The following ARL2BP variants were observed in gnomAD, a reference collection of about 807,000 sequenced individuals.
The protein encoded by ARL2BP is ADP-ribosylation factor-like protein 2-binding protein.
In ARL2BP, 19 loss-of-function variants were observed where a neutral mutation model predicts 24.2. The observed-to-expected ratio is 0.79, with a 90% CI of 0.55 to 1.15. ARL2BP has a LOEUF of 1.15. Ranked by LOEUF, ARL2BP falls within the 50% of genes most tolerant of loss-of-function variation. The pLI, the probability that ARL2BP is intolerant of heterozygous loss-of-function variation, is 0.00. For synonymous variants in ARL2BP, 56 were observed against 70.5 expected, an observed-to-expected ratio of 0.79 and a Z score of 1.03; for missense variants, 160 against 190.4, an observed-to-expected ratio of 0.84 and a Z score of 0.94.
intron 5 of ARL2BP, 57 bp from the exon 6 acceptor site, chr16:57,252,109 G>T: frequency 6.5e-7 from 1 of 1,533,824 alleles, no homozygotes; most frequent in Non-Finnish European, 9.0e-7. Context: ...CATGTCAGAG[G>T]CAAGATTCCA....
chr16:57,250,550 A>G, intron 5 of ARL2BP, 43 bp downstream of exon 5: 2 of 1,513,904 alleles, frequency 1.3e-6, no homozygotes, highest in South Asian at 2.2e-5. Flanking sequence ...TGAGCCACTT[A>G]GAAAATTCCA....
At chr16:57,250,159 G>A (rs1227914337) in intron 4 of ARL2BP, 4 of 596,460 alleles carry the variant, frequency 6.7e-6, no homozygotes, top group Non-Finnish European at 1.2e-5. Flanking sequence ...GTGTGGTGTT[G>A]CATACCTGTG....
chr16:57,251,609 A>G (rs57060494), intron 5 of ARL2BP: 13,585 of 151,944 alleles, frequency 0.089, 771 homozygotes, highest in East Asian at 0.23. Flanking sequence ...AAAAAAAGAA[A>G]GAAAGAAAAA....
At position 57,252,441 on chromosome 16, in the gene ARL2BP, C is replaced by T. The variant is rs1479202395; in HGVS notation, c.*174C>T. ...ACCTAACCCTCCTGGACCTATTTATCCTGAAACACCTTCTTGTATTCATTA... is the reference window on the plus strand; with the variant it reads ...ACCTAACCCTCCTGGACCTATTTATTCTGAAACACCTTCTTGTATTCATTA... On this transcript the variant is annotated 3_prime_UTR_variant, in exon 6 of 6. Transcript: ENST00000219204. 8.8e-7 allele frequency: 1 copy of T among 1,137,128 alleles called. No homozygotes were observed. Among genetic ancestry groups the T allele is most frequent in the African/African-American group, 1.5e-5 (1 of 64,596 alleles). The allele number at this position is 1,137,128 out of a possible 1,614,324, so 70.4% of individuals were successfully genotyped here. A position where few individuals can be genotyped will look rare whatever the true frequency, so the allele number is the denominator to read the frequency against.
Position 57,253,108 on chromosome 16 carries a change from C to A in ARL2BP, c.*841C>A, listed in dbSNP as rs2075413738. On this transcript the variant is annotated 3_prime_UTR_variant, in exon 6 of 6. Transcript: ENST00000219204. ...AATGCTTTCTACATTGACATTCATT[C>A]CTATTTTACTGGGCACCTATGAATG... 1 of 152,590 alleles carries A rather than the reference C, an allele frequency of 6.6e-6. No homozygotes were observed. Among genetic ancestry groups the A allele is most frequent in the African/African-American group, 2.4e-5 (1 of 41,426 alleles). 9.5% of individuals were successfully genotyped at this position (152,590 alleles called of 1,614,324 possible). A position where few individuals can be genotyped will look rare whatever the true frequency, so the allele number is the denominator to read the frequency against.
chr16:57,247,988 T>TA (rs548356739), intron 2 of ARL2BP, among the ~76,000 whole-genome samples: 93 of 151,172 alleles, frequency 6.2e-4, no homozygotes, highest in African/African-American at 1.6e-3. Context: ...ATTAAAATGA[T>TA]AAAAAAAAAT....
At chr16:57,250,267 G>A in intron 4 of ARL2BP, 144 bp from the exon 5 acceptor site, 1 of 686,510 alleles carries the variant, frequency 1.5e-6, no homozygotes, top group Non-Finnish European at 2.5e-6. Flanking sequence ...TCCTGCCTGG[G>A]TGACAGAGCA....
In ARL2BP at chr16:57,245,353, C is replaced by T; in HGVS notation, c.-15C>T. On this transcript the variant is annotated 5_prime_UTR_variant, in exon 1 of 6. Coordinates refer to ENST00000219204, the MANE Select transcript of ARL2BP (RefSeq NM_012106.4). ...GGGCCGCGGGCGGGGTTGGAGCCTACTCGGGGCGACTGCGATGGACGCCTT... is the reference window on the plus strand; with the variant it reads ...GGGCCGCGGGCGGGGTTGGAGCCTATTCGGGGCGACTGCGATGGACGCCTT... 1 of 1,604,358 alleles carries T rather than the reference C, an allele frequency of 6.2e-7. No homozygotes were observed. Among genetic ancestry groups the T allele is most frequent in the Non-Finnish European group, 8.5e-7 (1 of 1,176,512 alleles).
Position 57,253,598 on chromosome 16 carries a change from T to A in ARL2BP, c.*1331T>A, listed in dbSNP as rs3180516. On this transcript the variant is annotated 3_prime_UTR_variant, in exon 6 of 6. Coordinates refer to ENST00000219204, the MANE Select transcript of ARL2BP (RefSeq NM_012106.4). ...TTATTAAATACTTTTGTACCATGAG[T>A]AAAACTTCAGGTGTTTCGCAAGAAC... 1.3e-5 allele frequency: 2 copies of A among 152,138 alleles called. No individual in the cohort carries two copies. The highest frequency in any genetic ancestry group is 2.9e-5 in the Non-Finnish European group (2 of 68,028). The allele number at this position is 152,138 out of a possible 1,614,324, so 9.4% of individuals were successfully genotyped here. A position where few individuals can be genotyped will look rare whatever the true frequency, so the allele number is the denominator to read the frequency against.
chr16:57,252,039 CTG>C lies in ARL2BP; in HGVS notation c.391-123_391-122del, dbSNP rs1254017279. On this transcript the variant is annotated intron_variant, in intron 5 of 5. Transcript: ENST00000219204. ...GCAGAAATGCAGAATAACCAATAAC[CTG>C]TGTTCCCTTCCTATGTACTCTGGAG... 4 of 705,160 alleles carry C rather than the reference CTG, an allele frequency of 5.7e-6. No individual in the cohort carries two copies. The East Asian group carries it at 7.9e-5, about 14-fold the overall frequency. 43.7% of individuals were successfully genotyped at this position (705,160 alleles called of 1,614,324 possible).
At chr16:57,247,414 G>A (rs2075393590) in intron 2 of ARL2BP, 1 of 151,960 alleles carries the variant, frequency 6.6e-6, no homozygotes, top group Non-Finnish European at 1.5e-5. Context: ...GATGGGTACG[G>A]TGGCTCACAC....
At chr16:57,252,096 C>T (rs2075410052) in intron 5 of ARL2BP, 70 bp from the exon 6 acceptor site, 1 of 1,406,064 alleles carries the variant, frequency 7.1e-7, no homozygotes, top group Non-Finnish European at 1.0e-6. Flanking sequence ...GCTCTGCCTT[C>T]CCCATGTCAG....
intron 2 of ARL2BP, chr16:57,248,261 C>G (rs957006320): frequency 5.8e-6 from 1 of 171,990 alleles, no homozygotes; most frequent in African/African-American, 2.7e-5. Context: ...TGCAGTGAAC[C>G]GAGATCGCAC....
intron 1 of ARL2BP, among the ~76,000 whole-genome samples, chr16:57,245,624 G>A (rs771420936): frequency 6.6e-6 from 1 of 152,082 alleles, no homozygotes; most frequent in Non-Finnish European, 1.5e-5. Flanking sequence ...CGAGGCGGGT[G>A]TCACCGTTGA....
At chr16:57,250,772 C>A (rs2075404965) in intron 5 of ARL2BP, 4 of 436,266 alleles carry the variant, frequency 9.2e-6, no homozygotes, top group East Asian at 4.1e-5. Flanking sequence ...CCTTGCCTTT[C>A]TTTTATTTAT....
At chr16:57,247,025 T>C (rs2075392569) in intron 2 of ARL2BP, among the ~76,000 whole-genome samples, 2 of 152,116 alleles carry the variant, frequency 1.3e-5, no homozygotes, top group Admixed American at 1.3e-4. Flanking sequence ...AAACTTACAT[T>C]TGAGAAAATT....
At position 57,248,594 on chromosome 16, in the gene ARL2BP, A is replaced by G; in HGVS notation, c.158A>G (p.Glu53Gly). 1 of 1,602,982 alleles carries G rather than the reference A, an allele frequency of 6.2e-7. No individual in the cohort carries two copies. Among genetic ancestry groups the G allele is most frequent in the South Asian group, 1.1e-5 (1 of 88,564 alleles). Residue 53 changes from glutamate (E) to glycine (G), a missense_variant, in exon 3 of 6, where the codon GAA (glutamate) becomes GGA (glycine). By Grantham distance (98) the Glu-to-Gly change is moderately conservative. Coordinates refer to ENST00000219204, the MANE Select transcript of ARL2BP (RefSeq NM_012106.4). ...NFMDKYYLEFEDTEENKLIYT... is the reference protein window; with the variant it reads ...NFMDKYYLEFGDTEENKLIYT... ...ATGGACAAGTACTACCTGGAGTTTG[A>G]AGACACAGAAGAGAATAAACTCATC...
intron 1 of ARL2BP, 26 bp from the exon 2 acceptor site, chr16:57,246,054 G>T: frequency 6.2e-7 from 1 of 1,611,790 alleles, no homozygotes; most frequent in Non-Finnish European, 8.5e-7. Flanking sequence ...ATTTGAAATA[G>T]CACCTAATCC....
At chr16:57,249,023 T>G (rs2075399472) in intron 3 of ARL2BP, 1 of 153,350 alleles carries the variant, frequency 6.5e-6, no homozygotes, top group African/African-American at 2.4e-5. Context: ...ATAATAAAGA[T>G]AATAAATAAA....
Sources: allele counts gnomAD v4.1 joint callset (sites outside exome capture counted in the v4.1 genomes callset), GRCh38; gene constraint gnomAD v4.1.1; transcripts MANE v1.5; gene names NCBI Gene and HGNC (gene_info 2026-07-23, HGNC 2026-07-21).